The following OAS2 variants were observed in gnomAD, a reference collection of about 807,000 sequenced individuals.
The protein encoded by OAS2 is 2'-5'-oligoadenylate synthase 2.
In OAS2, 67 loss-of-function variants were observed where a neutral mutation model predicts 71.3. The ratio of observed to expected loss-of-function variants is 0.94; its 90% CI spans 0.77 to 1.15. The LOEUF (loss-of-function observed/expected upper bound fraction) is 1.15. Among genes scored for constraint, OAS2 ranks in the 50% most tolerant of loss-of-function variants. The probability of loss-of-function intolerance (pLI) is 0.00; values close to 1 mark genes in which losing one functional copy is unlikely to be tolerated. For synonymous variants in OAS2, 327 were observed against 321.8 expected (o/e 1.02, Z -0.17); for missense variants, 789 against 822.5 (o/e 0.96, Z 0.50).
chr12:113,000,688 GCA>G (rs1332526349), intron 5 of OAS2, among the ~76,000 whole-genome samples: 3 of 140,364 alleles, frequency 2.1e-5, no homozygotes, highest in African/African-American at 5.8e-5. Context: ...ATGCACTCAT[GCA>G]CACACATGCA....
chr12:113,000,582 C>T (rs2044274850), intron 5 of OAS2, among the ~76,000 whole-genome samples: 1 of 151,744 alleles, frequency 6.6e-6, no homozygotes, highest in South Asian at 2.1e-4. Context: ...CACACACGCA[C>T]ACACATACAT....
In OAS2 at chr12:112,998,462, T is replaced by TG. The variant is rs200341149; in HGVS notation, c.1008+53dup. 1.1e-5 allele frequency: 17 copies of TG among 1,580,786 alleles called. No individual in the cohort carries two copies. In the East Asian group the frequency reaches 3.9e-4, roughly 36 times the overall value. ...GTTTCATGCTGCAGGAAGGTCTTCC[T>TG]GACACCCAGGCTAGGTCTTATCTGA... On this transcript the variant is annotated intron_variant, in intron 5 of 9. Transcript: ENST00000392583.
intron 2 of OAS2, among the ~76,000 whole-genome samples, chr12:112,993,361 AG>A (rs1344778338): frequency 8.5e-5 from 13 of 152,184 alleles, no homozygotes; most frequent in African/African-American, 2.9e-4. Context: ...TGCACTTGCC[AG>A]CTAAGAGTTT....
intron 2 of OAS2, among the ~76,000 whole-genome samples, chr12:112,994,386 T>C (rs772086001): frequency 9.2e-5 from 14 of 152,212 alleles, no homozygotes; most frequent in Admixed American, 2.0e-4. Context: ...CCCTGGTGTT[T>C]CAGTAACAGT....
At chr12:112,994,119 C>T (rs184927815) in intron 2 of OAS2, among the ~76,000 whole-genome samples, 378 of 152,302 alleles carry the variant, frequency 2.5e-3, no homozygotes, top group Non-Finnish European at 4.2e-3. Flanking sequence ...TCACCAGTCA[C>T]TGCATCCAGA....
Position 113,010,254 on chromosome 12 carries a change from T to G in OAS2, c.*999T>G, listed in dbSNP as rs1361110710. On this transcript the variant is annotated 3_prime_UTR_variant, in exon 10 of 10. Coordinates refer to ENST00000392583, the MANE Select transcript of OAS2 (RefSeq NM_002535.3). ...TGCATTATAAATAAATACCAAAAAA[T>G]TGTCTCTGGCAATAGTTACCTTCCC... 1 of 1,477,360 alleles carries G rather than the reference T, an allele frequency of 6.8e-7. No homozygotes were observed. The highest frequency in any genetic ancestry group is 8.9e-7 in the Non-Finnish European group (1 of 1,121,724). 91.5% of individuals were successfully genotyped at this position (1,477,360 alleles called of 1,614,324 possible). A position where few individuals can be genotyped will look rare whatever the true frequency, so the allele number is the denominator to read the frequency against.
intron 6 of OAS2, among the ~76,000 whole-genome samples, chr12:113,003,699 G>A (rs746194690): frequency 2.6e-5 from 4 of 152,184 alleles, no homozygotes; most frequent in Non-Finnish European, 5.9e-5. Flanking sequence ...TCTTGTCCGT[G>A]GCTCAAAGGC....
At chr12:112,979,209 C>T (rs1320616908) in intron 1 of OAS2, among the ~76,000 whole-genome samples, 1 of 152,154 alleles carries the variant, frequency 6.6e-6, no homozygotes, top group Non-Finnish European at 1.5e-5. Flanking sequence ...GGTTTCTCCG[C>T]AGCAAGAAGG....
chr12:113,005,903 A>AAC (rs2044328056), intron 7 of OAS2, among the ~76,000 whole-genome samples: 1 of 46,628 alleles, frequency 2.1e-5, no homozygotes, highest in African/African-American at 1.4e-4. Flanking sequence ...AAAAAGCAAA[A>AAC]AACAACAACA....
At chr12:113,000,998 C>T (rs760113434) in intron 5 of OAS2, among the ~76,000 whole-genome samples, 2 of 152,154 alleles carry the variant, frequency 1.3e-5, no homozygotes, top group African/African-American at 2.4e-5. Flanking sequence ...ACAGTAATTA[C>T]TTGCCTCTTA....
At chr12:113,004,755 T>C (rs992344449) in intron 6 of OAS2, among the ~76,000 whole-genome samples, 179 bp from the exon 7 acceptor site, 4 of 152,232 alleles carry the variant, frequency 2.6e-5, no homozygotes, top group African/African-American at 9.6e-5. Context: ...GTTTAATAAC[T>C]GCATTATCTA....
intron 1 of OAS2, among the ~76,000 whole-genome samples, chr12:112,983,406 G>A (rs951449215): frequency 1.3e-5 from 2 of 152,034 alleles, no homozygotes; most frequent in Non-Finnish European, 1.5e-5. Flanking sequence ...TGTATTTTTA[G>A]TAGAGACGGG....
chr12:113,005,931 A>C lies in OAS2; in HGVS notation c.1469-482A>C, dbSNP rs1030030297. Among the ~76,000 whole-genome samples the C allele has an allele frequency of 8.0e-3, 1,168 of 145,442 alleles. 5 individuals are homozygous for C. Among genetic ancestry groups the C allele is most frequent in the Non-Finnish European group, 0.012 (795 of 65,556 alleles). On this transcript the variant is annotated intron_variant, in intron 7 of 9. Transcript: ENST00000392583. Reference sequence around the variant, plus strand: ...CAACAACAACAACAAAAAAAAAAAAAAAAAAAAAAAAAAAAAAAAACAAGA... The same window carrying C: ...CAACAACAACAACAAAAAAAAAAAACAAAAAAAAAAAAAAAAAAAACAAGA...
chr12:113,003,697 G>A (rs942535223), intron 6 of OAS2, among the ~76,000 whole-genome samples: 9 of 152,182 alleles, frequency 5.9e-5, no homozygotes, highest in African/African-American at 1.7e-4. Context: ...ATTCTTGTCC[G>A]TGGCTCAAAG....
rs1011432750 is a variant in OAS2, at chr12:113,009,440, A to G, written c.*185A>G. 1 of 1,425,626 alleles carries G rather than the reference A, an allele frequency of 7.0e-7. No individual in the cohort carries two copies. Among genetic ancestry groups the G allele is most frequent in the Non-Finnish European group, 9.2e-7 (1 of 1,092,386 alleles). The allele number at this position is 1,425,626 out of a possible 1,614,324, so 88.3% of individuals were successfully genotyped here. A position where few individuals can be genotyped will look rare whatever the true frequency, so the allele number is the denominator to read the frequency against. ...CAGGCAGGTAACCCCAGATTCATGC[A>G]CTGTAGGGTGCTGCGCAGCATCCCT... On this transcript the variant is annotated 3_prime_UTR_variant, in exon 10 of 10. Coordinates refer to ENST00000392583, the MANE Select transcript of OAS2 (RefSeq NM_002535.3).
At chr12:112,994,246 G>A (rs894615947) in intron 2 of OAS2, among the ~76,000 whole-genome samples, 7 of 152,078 alleles carry the variant, frequency 4.6e-5, no homozygotes, top group African/African-American at 1.7e-4. Context: ...ACTTTAGTCT[G>A]TCAGGGAGAA....
chr12:112,987,362 G>A (rs1320757575), intron 2 of OAS2, 54 bp downstream of exon 2: 7 of 1,605,934 alleles, frequency 4.4e-6, no homozygotes, highest in Non-Finnish European at 6.0e-6. Flanking sequence ...GTGCCAGACA[G>A]CTCTGTGCAA....
At chr12:112,999,860 G>C (rs2044268289) in intron 5 of OAS2, among the ~76,000 whole-genome samples, 1 of 152,188 alleles carries the variant, frequency 6.6e-6, no homozygotes. Flanking sequence ...CATTTGCTAT[G>C]TTACAGTTTG....
At chr12:112,982,500 C>T (rs1381809452) in intron 1 of OAS2, among the ~76,000 whole-genome samples, 1 of 152,184 alleles carries the variant, frequency 6.6e-6, no homozygotes, top group Non-Finnish European at 1.5e-5. Flanking sequence ...TCATGTTGAA[C>T]CATCCTTGCA....
Sources: gnomAD v4.1 joint callset for allele counts (sites outside exome capture counted in the v4.1 genomes callset) on GRCh38, gnomAD v4.1.1 for gene constraint, MANE v1.5 for transcripts, NCBI Gene and HGNC (gene_info 2026-07-23, HGNC 2026-07-21) for gene names.